The following MYT1L variants were observed in gnomAD, a reference collection of about 807,000 sequenced individuals.
MYT1L encodes myelin transcription factor 1 like.
A neutral mutation model predicts 126.7 loss-of-function variants in MYT1L; 12 were observed. The ratio of observed to expected loss-of-function variants is 0.09; its 90% CI spans 0.06 to 0.15. The LOEUF is 0.15. Ranked by LOEUF, MYT1L falls within the 10% of genes least tolerant of loss-of-function variation. MYT1L has a pLI of 1.00. For missense variants in MYT1L, 979 were observed against 1,585.2 expected (o/e 0.62, Z 6.49); for synonymous variants, 541 against 604.2 (o/e 0.90, Z 1.53).
At chr2:2,290,936 T>A (rs773066312) in intron 1 of MYT1L, among the ~76,000 whole-genome samples, 1 of 152,052 alleles carries the variant, frequency 6.6e-6, no homozygotes, top group Non-Finnish European at 1.5e-5. Context: ...TGTATGAACT[T>A]CAAAACACAA....
intron 1 of MYT1L, among the ~76,000 whole-genome samples, chr2:2,318,971 A>G (rs2096115483): frequency 6.6e-6 from 1 of 152,236 alleles, no homozygotes; most frequent in Admixed American, 6.5e-5. Flanking sequence ...ATAGGCAGGT[A>G]TATGCAATCA....
chr2:1,913,815 G>A (rs1224507209), intron 11 of MYT1L, among the ~76,000 whole-genome samples: 1 of 152,016 alleles, frequency 6.6e-6, no homozygotes, highest in Non-Finnish European at 1.5e-5. Flanking sequence ...ATCCTCCTGA[G>A]GTGGAGTGTG....
intron 3 of MYT1L, among the ~76,000 whole-genome samples, chr2:2,146,704 C>G (rs1226503432): frequency 2.0e-5 from 3 of 152,194 alleles, no homozygotes; most frequent in Non-Finnish European, 4.4e-5. Flanking sequence ...TGAACAATTT[C>G]CTATTGTTTC....
At position 2,227,822 on chromosome 2, in the gene MYT1L, C is replaced by T. The variant is rs185850219; in HGVS notation, c.-420-54834G>A. 2.1e-3 allele frequency among the ~76,000 whole-genome samples: 323 copies of T among 152,162 alleles called. 3 individuals carry two copies. The highest frequency in any genetic ancestry group is 0.019 in the Admixed American group (291 of 15,282). On this transcript the variant is annotated intron_variant, in intron 2 of 24. Coordinates refer to ENST00000647738, the MANE Select transcript of MYT1L (RefSeq NM_001303052.2). ...TTTTCACTGAATTATCAAAAACAGC[C>T]GTAGTTTAACCAATATTTTGCCCTG...
chr2:1,812,455 CTGAA>C (rs2036816342), intron 21 of MYT1L, among the ~76,000 whole-genome samples: 1 of 152,178 alleles, frequency 6.6e-6, no homozygotes, highest in East Asian at 1.9e-4. Flanking sequence ...CATAAAATGT[CTGAA>C]TGCACTTTGT....
chr2:2,060,808 TTCTC>T (rs1229266800), intron 3 of MYT1L, among the ~76,000 whole-genome samples: 3 of 146,048 alleles, frequency 2.1e-5, no homozygotes, highest in Non-Finnish European at 4.5e-5. Context: ...TCCTTTCCTC[TTCTC>T]TCTCTCTCTT....
At chr2:1,797,928 C>CTCCAT (rs1330849023) in intron 23 of MYT1L, among the ~76,000 whole-genome samples, 1 of 39,322 alleles carries the variant, frequency 2.5e-5, no homozygotes, top group Non-Finnish European at 5.6e-5. Context: ...GGCGGTCTCC[C>CTCCAT]CCTTCTCCGG....
rs777169568 is a variant in MYT1L, at chr2:2,059,405, C to T, written c.-303-5282G>A. 6.0e-4 allele frequency among the ~76,000 whole-genome samples: 90 copies of T among 148,788 alleles called. 1 individual carries two copies. Among genetic ancestry groups the T allele is most frequent in the East Asian group, 4.1e-3 (21 of 5,164 alleles). The stretch of plus-strand genomic sequence containing the variant: ...TGGCACCATAGTAAGCACCCGGCGG[C>T]GGTCTCACAGCACCGCAGGAAGCAC... On this transcript the variant is annotated intron_variant, in intron 3 of 24. Transcript: ENST00000647738. The surrounding 1 kb of genome is among the most constrained non-coding windows in gnomAD (Gnocchi z 4.7).
chr2:2,295,977 C>G (rs1408275719), intron 1 of MYT1L, among the ~76,000 whole-genome samples: 1 of 139,278 alleles, frequency 7.2e-6, no homozygotes, highest in African/African-American at 2.7e-5. Context: ...AAGAATAAAG[C>G]CAGAGAGAGA....
chr2:2,245,347 C>T (rs1421741637), intron 2 of MYT1L, among the ~76,000 whole-genome samples: 7 of 151,796 alleles, frequency 4.6e-5, no homozygotes, highest in African/African-American at 9.7e-5. Flanking sequence ...TAGACCATCC[C>T]GAGCTCTAGC....
At chr2:2,279,608 G>GGAAGGAAGGAAT (rs1187686370) in intron 2 of MYT1L, among the ~76,000 whole-genome samples, 1 of 150,324 alleles carries the variant, frequency 6.7e-6, no homozygotes, top group Non-Finnish European at 1.5e-5. Context: ...AAGGAAGGAA[G>GGAAGGAAGGAAT]GAATCAAGAT....
chr2:1,908,999 G>A (rs963506880), intron 13 of MYT1L, among the ~76,000 whole-genome samples: 2 of 152,174 alleles, frequency 1.3e-5, no homozygotes, highest in South Asian at 4.1e-4. Flanking sequence ...GGGAGGAAGG[G>A]AGTTTAATTA....
chr2:1,873,651 G>A (rs1267522815), intron 18 of MYT1L, among the ~76,000 whole-genome samples: 1 of 152,236 alleles, frequency 6.6e-6, no homozygotes, highest in Non-Finnish European at 1.5e-5. Flanking sequence ...TGGGTGCACA[G>A]AAAGCCCCAA....
Position 2,131,903 on chromosome 2 carries a change from T to TG in MYT1L, c.-304+40968_-304+40969insC, listed in dbSNP as rs1219805514. Among the ~76,000 whole-genome samples, 11 of 139,608 alleles carry TG rather than the reference T, an allele frequency of 7.9e-5. No individual in the cohort carries two copies. The East Asian group carries it at 2.5e-3, about 31-fold the overall frequency. The allele number at this position is 139,608 out of a possible 152,430, so 91.6% of individuals were successfully genotyped here. ...GGAAGGGGACATGCAAGAGAGTTCA[T>TG]CCTTTTTTTTTTTTTTTTTTTTTTG... is the stretch of plus-strand genomic sequence containing the variant. On this transcript the variant is annotated intron_variant, in intron 3 of 24. Transcript: ENST00000647738.
At chr2:2,154,387 C>A (rs1225723855) in intron 3 of MYT1L, among the ~76,000 whole-genome samples, 1 of 152,160 alleles carries the variant, frequency 6.6e-6, no homozygotes, top group Admixed American at 6.5e-5. Flanking sequence ...AGAGTCTATT[C>A]ATTGCAGCAC....
At chr2:2,097,504 C>G (rs1158220361) in intron 3 of MYT1L, among the ~76,000 whole-genome samples, 1 of 152,178 alleles carries the variant, frequency 6.6e-6, no homozygotes, top group East Asian at 1.9e-4. Context: ...TTAGGCCACA[C>G]ACAAGATTAG....
intron 4 of MYT1L, among the ~76,000 whole-genome samples, chr2:2,027,394 C>G (rs909933201): frequency 6.6e-6 from 1 of 152,174 alleles, no homozygotes; most frequent in African/African-American, 2.4e-5. Flanking sequence ...GAACAAGATA[C>G]CAAAGGTCTC....
Position 1,833,599 on chromosome 2 carries a change from C to T in MYT1L, c.3080+5550G>A, listed in dbSNP as rs115035937. Among the ~76,000 whole-genome samples, 499 of 152,286 alleles carry T rather than the reference C, an allele frequency of 3.3e-3. 2 individuals are homozygous for T. Among genetic ancestry groups the T allele is most frequent in the African/African-American group, 0.012 (483 of 41,570 alleles). On this transcript the variant is annotated intron_variant, in intron 21 of 24. Transcript: ENST00000647738. ...CCCCTCCTTTCTGGGAGGGATTGGC[C>T]TTTACACCTGACCTGAGGGTCTCAT...
At chr2:2,199,381 A>T (rs1342978585) in intron 2 of MYT1L, among the ~76,000 whole-genome samples, 2 of 152,196 alleles carry the variant, frequency 1.3e-5, no homozygotes, top group Non-Finnish European at 2.9e-5. Context: ...CCACAATTTG[A>T]TGGCCTTCCC....
Sources: allele counts gnomAD v4.1 joint callset (sites outside exome capture counted in the v4.1 genomes callset), GRCh38; gene constraint gnomAD v4.1.1; non-coding constraint Gnocchi (gnomAD v3.1); transcripts MANE v1.5; gene names NCBI Gene and HGNC (gene_info 2026-07-23, HGNC 2026-07-21).